UBAC1: variants seen among roughly 807,000 people sequenced by gnomAD.
UBAC1 encodes ubiquitin-associated domain-containing protein 1.
Under a neutral mutation model 45.9 loss-of-function variants are expected in UBAC1, and 27 were observed. The ratio of observed to expected loss-of-function variants is 0.59; its 90% CI spans 0.43 to 0.81. The LOEUF (loss-of-function observed/expected upper bound fraction) is 0.81. UBAC1 is among the 30% of genes least tolerant of loss of function. The probability of loss-of-function intolerance (pLI) is 0.00; values close to 1 mark genes in which losing one functional copy is unlikely to be tolerated. For missense variants in UBAC1, 529 were observed against 539.2 expected (o/e 0.98, Z 0.19); for synonymous variants, 227 against 215.5 (o/e 1.05, Z -0.47).
At chr9:135,958,390 C>G (rs1467043424) in intron 1 of UBAC1, among the ~76,000 whole-genome samples, 1 of 152,192 alleles carries the variant, frequency 6.6e-6, no homozygotes, top group Non-Finnish European at 1.5e-5. Flanking sequence ...TTGTACAAGA[C>G]AGGTTCCTCT....
intron 9 of UBAC1, among the ~76,000 whole-genome samples, chr9:135,934,773 A>G (rs1474085648): frequency 1.3e-5 from 2 of 152,268 alleles, no homozygotes; most frequent in Non-Finnish European, 2.9e-5. Flanking sequence ...CCTCTCAATA[A>G]ACAGCAAAAT....
At chr9:135,934,901 G>A (rs1245171707) in intron 9 of UBAC1, among the ~76,000 whole-genome samples, 1 of 151,746 alleles carries the variant, frequency 6.6e-6, no homozygotes, top group Non-Finnish European at 1.5e-5. Flanking sequence ...TTTTTTTTGA[G>A]ACAGCGACTT....
intron 2 of UBAC1, 112 bp from the exon 3 acceptor site, chr9:135,953,865 G>C (rs1211416619): frequency 3.7e-6 from 3 of 816,716 alleles, no homozygotes; most frequent in African/African-American, 1.8e-5. Flanking sequence ...TCGGCCGGGC[G>C]CAGTGGCTCC....
Position 135,956,337 on chromosome 9 carries a change from T to C in UBAC1, c.139-922A>G, listed in dbSNP as rs148724299. Among the ~76,000 whole-genome samples, 214 of 152,316 alleles carry C rather than the reference T, an allele frequency of 1.4e-3. 1 individual carries two copies. The highest frequency in any genetic ancestry group is 5.0e-3 in the African/African-American group (207 of 41,570). ...TCCTCAATTCGGCCAGCATCCTCTC[T>C]GCAAAACAGCACACAGCTGTCCCTG... On this transcript the variant is annotated intron_variant, in intron 1 of 9. Transcript: ENST00000371756.
At chr9:135,952,659 C>CTCTG (rs1467719662) in intron 3 of UBAC1, among the ~76,000 whole-genome samples, 1 of 152,234 alleles carries the variant, frequency 6.6e-6, no homozygotes, top group Non-Finnish European at 1.5e-5. Context: ...ATAGACAAGA[C>CTCTG]AGGCAGAACT....
intron 1 of UBAC1, among the ~76,000 whole-genome samples, chr9:135,958,578 A>G (rs888864998): frequency 1.2e-4 from 19 of 152,220 alleles, no homozygotes; most frequent in African/African-American, 4.3e-4. Context: ...CCCTCCAGGC[A>G]GATGGAAAAG....
chr9:135,937,786 A>G (rs1021958324), intron 9 of UBAC1, among the ~76,000 whole-genome samples: 3 of 152,248 alleles, frequency 2.0e-5, no homozygotes, highest in African/African-American at 4.8e-5. Flanking sequence ...ATTCTTCTTT[A>G]AAGTTACATC....
intron 3 of UBAC1, among the ~76,000 whole-genome samples, chr9:135,949,526 G>A (rs1176586953): frequency 1.3e-5 from 2 of 152,208 alleles, no homozygotes; most frequent in Non-Finnish European, 2.9e-5. Context: ...AGGAAGGGGA[G>A]GCGGCTGGTG....
intron 1 of UBAC1, among the ~76,000 whole-genome samples, chr9:135,957,878 G>A (rs1050585034): frequency 3.4e-5 from 5 of 146,404 alleles, no homozygotes; most frequent in African/African-American, 1.0e-4. Context: ...AGGTTCAAGC[G>A]ATTCTTGTGC....
At chr9:135,947,546 C>T (rs150773520) in intron 4 of UBAC1, 8,834 of 419,890 alleles carry the variant, frequency 0.021, 144 homozygotes, top group Non-Finnish European at 0.023. Flanking sequence ...AACTCAGGGC[C>T]GGATTGACGT....
chr9:135,960,149 C>A (rs1564200735), intron 1 of UBAC1, among the ~76,000 whole-genome samples: 1 of 152,174 alleles, frequency 6.6e-6, no homozygotes, highest in Non-Finnish European at 1.5e-5. Context: ...AAAATTGCAG[C>A]CTCCTTCAAC....
chr9:135,940,767 T>C (rs981668770), intron 7 of UBAC1, among the ~76,000 whole-genome samples: 1 of 152,142 alleles, frequency 6.6e-6, no homozygotes, highest in Non-Finnish European at 1.5e-5. Flanking sequence ...AAGGGGTCCA[T>C]TTTGAAAAAA....
chr9:135,956,322 G>A (rs1301153796), intron 1 of UBAC1, among the ~76,000 whole-genome samples: 3 of 152,052 alleles, frequency 2.0e-5, no homozygotes, highest in Non-Finnish European at 4.4e-5. Flanking sequence ...TCCTCAATTC[G>A]GCCAGCATCC....
Position 135,961,012 on chromosome 9 carries a change from G to A in UBAC1, c.138+13C>T. 3 of 1,541,010 alleles carry A rather than the reference G, an allele frequency of 1.9e-6. No individual in the cohort carries two copies. The highest frequency in any genetic ancestry group is 1.2e-5 in the South Asian group (1 of 84,700). On this transcript the variant is annotated intron_variant, in intron 1 of 9. Coordinates refer to ENST00000371756, the MANE Select transcript of UBAC1 (RefSeq NM_016172.3). ...AGCGGGTGTTGGGGGCAGGGGAGGGGGCCCGGCCTTACGTGCTTGAGGCAG... is the reference window on the plus strand; with the variant it reads ...AGCGGGTGTTGGGGGCAGGGGAGGGAGCCCGGCCTTACGTGCTTGAGGCAG...
chr9:135,961,367 GCGCGCCGTCGCGGC>G (rs1285977739), exon 1 of UBAC1: 1 of 190,476 alleles, frequency 5.3e-6, no homozygotes, highest in Non-Finnish European at 9.7e-6. Flanking sequence ...GCCGCCGGGG[GCGCGCCGTCGCGGC>G]CGCACCGGAA....
intron 9 of UBAC1, among the ~76,000 whole-genome samples, chr9:135,933,724 G>C (rs1331836412): frequency 1.3e-5 from 2 of 152,148 alleles, no homozygotes; most frequent in African/African-American, 2.4e-5. Context: ...TGATCACAGA[G>C]AGTCATGCAC....
intron 1 of UBAC1, among the ~76,000 whole-genome samples, chr9:135,957,957 G>A (rs544225353): frequency 1.3e-5 from 2 of 151,156 alleles, no homozygotes; most frequent in African/African-American, 4.9e-5. Context: ...TACATTTTTA[G>A]TACAGAAGGG....
rs762695333 is a variant in UBAC1 at position 135,947,827 on chromosome 9, G to A, written c.412C>T (p.Arg138Trp). Residue 138 changes from arginine to tryptophan, a missense_variant, in exon 4 of 10, where the codon CGG becomes TGG. Arg to Trp is a moderately radical substitution (Grantham distance 101). Coordinates refer to ENST00000371756, the MANE Select transcript of UBAC1 (RefSeq NM_016172.3). ...CTCATGTTGGTCTGGACCGCGGCCC[G>A]GTCCATGTTGTAGGAGGGCAGGTTG... ...TANLPSYNMD[R>W]AAVQTNMRDF... 27 of 1,613,922 alleles carry A rather than the reference G, an allele frequency of 1.7e-5. No homozygotes were observed. Among genetic ancestry groups the A allele is most frequent in the East Asian group, 2.2e-5 (1 of 44,882 alleles).
chr9:135,944,519 C>T (rs984331870), intron 7 of UBAC1, among the ~76,000 whole-genome samples: 1 of 152,198 alleles, frequency 6.6e-6, no homozygotes, highest in African/African-American at 2.4e-5. Context: ...AGATGAGGCG[C>T]GGGCGAGGAA....
Sources: allele counts gnomAD v4.1 joint callset (sites outside exome capture counted in the v4.1 genomes callset), GRCh38; gene constraint gnomAD v4.1.1; transcripts MANE v1.5; gene names NCBI Gene and HGNC (gene_info 2026-07-23, HGNC 2026-07-21).